The following EPN2 variants were observed in gnomAD, a reference collection of about 807,000 sequenced individuals.
The protein encoded by EPN2 is epsin 2, also known as epsin-2.
EPN2 carries 34 observed loss-of-function variants against 61.7 expected under a neutral mutation model. The observed-to-expected ratio is 0.55, with a 90% confidence interval of 0.42 to 0.73. EPN2 has a LOEUF of 0.73. Ranked by LOEUF, EPN2 falls within the 30% of genes least tolerant of loss-of-function variation. EPN2 has a pLI of 0.00. For synonymous variants in EPN2, 349 were observed against 353.6 expected (o/e 0.99, Z 0.15); for missense variants, 714 against 839.2 (o/e 0.85, Z 1.84).
intron 1 of EPN2, among the ~76,000 whole-genome samples, chr17:19,241,060 G>A (rs1028455165): frequency 5.9e-5 from 9 of 152,104 alleles, no homozygotes; most frequent in African/African-American, 2.2e-4. Flanking sequence ...TCGAGGTCGC[G>A]CAGCCAGTAA....
intron 7 of EPN2, among the ~76,000 whole-genome samples, chr17:19,326,182 T>G (rs1906858197): frequency 1.3e-5 from 2 of 152,212 alleles, no homozygotes; most frequent in Non-Finnish European, 2.9e-5. Context: ...ATGATAATGC[T>G]TCTCCCCAAA....
At chr17:19,332,475 C>A (rs1907208339) in intron 10 of EPN2, among the ~76,000 whole-genome samples, 1 of 152,128 alleles carries the variant, frequency 6.6e-6, no homozygotes, top group Admixed American at 6.5e-5. Context: ...TGGGTACAAG[C>A]CTTCCTCCAG....
intron 1 of EPN2, among the ~76,000 whole-genome samples, chr17:19,278,071 CAAAA>C (rs141413016): frequency 1.5e-5 from 2 of 134,620 alleles, no homozygotes; most frequent in African/African-American, 5.5e-5. Flanking sequence ...GACTATGTCT[CAAAA>C]AAAAAAAAAA....
chr17:19,273,845 T>G (rs1333916568), intron 1 of EPN2, among the ~76,000 whole-genome samples: 1 of 152,220 alleles, frequency 6.6e-6, no homozygotes, highest in Non-Finnish European at 1.5e-5. Context: ...TTTAAGTTAT[T>G]GCTAGCGTGG....
chr17:19,333,865 G>A (rs1455580798), intron 10 of EPN2, 91 bp from the exon 11 acceptor site: 1 of 1,144,968 alleles, frequency 8.7e-7, no homozygotes, highest in Non-Finnish European at 1.2e-6. Flanking sequence ...GCACAGCAGG[G>A]ACCAGAACAC....
intron 7 of EPN2, among the ~76,000 whole-genome samples, chr17:19,319,401 T>C (rs1050379358): frequency 3.3e-5 from 5 of 151,864 alleles, no homozygotes; most frequent in Non-Finnish European, 7.4e-5. Context: ...CTCGGCTCAC[T>C]GCAACCTCTG....
At chr17:19,295,341 TAC>T (rs761662309) in intron 4 of EPN2, among the ~76,000 whole-genome samples, 5,008 of 145,042 alleles carry the variant, frequency 0.035, 246 homozygotes, top group African/African-American at 0.1. Context: ...CTATTAAAAA[TAC>T]ACACACACAC....
intron 4 of EPN2, among the ~76,000 whole-genome samples, chr17:19,292,700 G>A (rs142793773): frequency 1.3e-5 from 2 of 152,358 alleles, no homozygotes; most frequent in African/African-American, 2.4e-5. Context: ...AATGTGATTC[G>A]TGAATGGCTG....
At chr17:19,246,565 C>G (rs1049797528) in intron 1 of EPN2, among the ~76,000 whole-genome samples, 1 of 152,032 alleles carries the variant, frequency 6.6e-6, no homozygotes, top group Non-Finnish European at 1.5e-5. Context: ...TTGCCCTGCA[C>G]TTGTGGGAGG....
At chr17:19,250,707 T>G (rs28690911) in intron 1 of EPN2, among the ~76,000 whole-genome samples, 1,646 of 152,240 alleles carry the variant, frequency 0.011, 25 homozygotes, top group African/African-American at 0.036. Flanking sequence ...ACATGGTGCC[T>G]GCTTATTTCC....
Position 19,335,504 on chromosome 17 carries a change from C to T in EPN2, c.*1250C>T, listed in dbSNP as rs527816296. On this transcript the variant is annotated 3_prime_UTR_variant, in exon 11 of 11. Transcript: ENST00000314728. Reference sequence around the variant, plus strand: ...CTGTGATCTCCTCTGTCTTAATCCACGCTCAGGCTAAAGATGGGGATAATG... The same window carrying T: ...CTGTGATCTCCTCTGTCTTAATCCATGCTCAGGCTAAAGATGGGGATAATG... The T allele has an allele frequency of 1.3e-4, 198 of 1,538,320 alleles. 2 individuals are homozygous for T. The South Asian group carries it at 1.7e-3, about 13-fold the overall frequency.
At position 19,285,815 on chromosome 17, in the gene EPN2, C is replaced by A; in HGVS notation, c.766+25C>A. Reference sequence around the variant, plus strand: ...GGTGGGACGGCGGTTTGCTTTTTTCCTTACTAGAAATGCTGGGCAGCTTGC... The same window carrying A: ...GGTGGGACGGCGGTTTGCTTTTTTCATTACTAGAAATGCTGGGCAGCTTGC... On this transcript the variant is annotated intron_variant, in intron 4 of 10. Transcript: ENST00000314728. This position sits in a 1 kb window ranked among gnomAD's most constrained non-coding sequence, Gnocchi z 4.5. 1.9e-6 allele frequency: 3 copies of A among 1,545,398 alleles called. No individual in the cohort carries two copies. Among genetic ancestry groups the A allele is most frequent in the East Asian group, 4.7e-5 (2 of 42,228 alleles).
At chr17:19,290,973 C>T (rs1221850307) in intron 4 of EPN2, among the ~76,000 whole-genome samples, 1 of 152,220 alleles carries the variant, frequency 6.6e-6, no homozygotes, top group African/African-American at 2.4e-5. Flanking sequence ...CTTTGGGCTA[C>T]TGGTCCTCTG....
Position 19,282,945 on chromosome 17 carries a change from T to G in EPN2, c.-170-5T>G. The stretch of plus-strand genomic sequence containing the variant: ...CGCAGTGGAATGGGTTTTCTCTTTC[T>G]CTAGGTCATGGCTTCCAGCTTTTCG... On this transcript the variant is annotated splice_polypyrimidine_tract_variant and splice_region_variant and intron_variant, in intron 2 of 10. Transcript: ENST00000314728. The G allele has an allele frequency of 1.7e-6, 1 of 589,264 alleles. No homozygotes were observed. Among genetic ancestry groups the G allele is most frequent in the South Asian group, 2.2e-5 (1 of 45,592 alleles). 36.5% of individuals were successfully genotyped at this position (589,264 alleles called of 1,614,324 possible).
chr17:19,256,054 C>T (rs1208727527), intron 1 of EPN2, among the ~76,000 whole-genome samples: 2 of 152,076 alleles, frequency 1.3e-5, no homozygotes, highest in African/African-American at 4.8e-5. Context: ...TCTCCTGCCT[C>T]AGCCTCCCGA....
At chr17:19,259,834 T>C (rs999298430) in intron 1 of EPN2, among the ~76,000 whole-genome samples, 11 of 152,172 alleles carry the variant, frequency 7.2e-5, no homozygotes, top group Non-Finnish European at 1.6e-4. Flanking sequence ...AGGGACGGAC[T>C]TCTTTATCTT....
chr17:19,283,110 G>T lies in EPN2; in HGVS notation c.-10G>T. The T allele has an allele frequency of 6.3e-7, 1 of 1,599,306 alleles. No homozygotes were observed. The highest frequency in any genetic ancestry group is 8.5e-7 in the Non-Finnish European group (1 of 1,171,232). On this transcript the variant is annotated 5_prime_UTR_variant, in exon 3 of 11. Coordinates refer to ENST00000314728, the MANE Select transcript of EPN2 (RefSeq NM_014964.5). The surrounding 1 kb of genome is among the most constrained non-coding windows in gnomAD (Gnocchi z 7.0). Reference sequence around the variant, plus strand: ...TGAAGGGCTTTAAACTTATAACAAAGAAAATAAAAATGACGACTTCGTCTA... The same window carrying T: ...TGAAGGGCTTTAAACTTATAACAAATAAAATAAAAATGACGACTTCGTCTA...
chr17:19,271,074 G>A (rs937314076), intron 1 of EPN2, among the ~76,000 whole-genome samples: 3 of 152,074 alleles, frequency 2.0e-5, no homozygotes, highest in Non-Finnish European at 4.4e-5. Context: ...TTGCTTCTGT[G>A]TCACATGGAA....
intron 7 of EPN2, among the ~76,000 whole-genome samples, chr17:19,318,180 G>T (rs1264091609): frequency 6.6e-6 from 1 of 152,212 alleles, no homozygotes; most frequent in African/African-American, 2.4e-5. Flanking sequence ...GTCAGGATTT[G>T]ATTCAAGCAC....
Sources: allele counts gnomAD v4.1 joint callset (sites outside exome capture counted in the v4.1 genomes callset), GRCh38; gene constraint gnomAD v4.1.1; non-coding constraint Gnocchi (gnomAD v3.1); transcripts MANE v1.5; gene names NCBI Gene and HGNC (gene_info 2026-07-23, HGNC 2026-07-21).